ZGPAT: variants seen among roughly 807,000 people sequenced by gnomAD.
ZGPAT encodes zinc finger CCCH-type with G patch domain-containing protein.
Under a neutral mutation model 47.9 loss-of-function variants are expected in ZGPAT, and 39 were observed. That is an observed-to-expected ratio of 0.81 (90% CI 0.63 to 1.06). The LOEUF (loss-of-function observed/expected upper bound fraction) is 1.06. Among genes scored for constraint, ZGPAT ranks in the 50% least tolerant of loss-of-function variants. The pLI is 0.00. For synonymous variants in ZGPAT, 348 were observed against 292.9 expected, an observed-to-expected ratio of 1.19 and a Z score of -1.92; for missense variants, 717 against 681.4, an observed-to-expected ratio of 1.05 and a Z score of -0.58.
At chr20:63,731,243 C>G (rs1258052143) in intron 2 of ZGPAT, among the ~76,000 whole-genome samples, 2 of 152,116 alleles carry the variant, frequency 1.3e-5, no homozygotes, top group Admixed American at 6.6e-5. Context: ...CTGGAGCAGC[C>G]AAGTCCATCC....
In ZGPAT at chr20:63,733,242, C is replaced by G; in HGVS notation, c.608C>G (p.Ser203Cys). Residue 203 changes from serine (S) to cysteine (C), a missense_variant, in exon 3 of 7, where the codon TCT (serine) becomes TGT (cysteine). Transcript: ENST00000355969. Reference protein sequence around the residue: ...NCRFSHGQVVSLDELRPFQDP... With the variant: ...NCRFSHGQVVCLDELRPFQDP... ...AGGTTCTCCCATGGGCAGGTGGTCT[C>G]TCTGGATGAGCTGCGCCCCTTCCAG... 2 of 1,613,812 alleles carry G rather than the reference C, an allele frequency of 1.2e-6. No homozygotes were observed. Among genetic ancestry groups the G allele is most frequent in the Non-Finnish European group, 1.7e-6 (2 of 1,179,908 alleles).
intron 2 of ZGPAT, among the ~76,000 whole-genome samples, chr20:63,718,369 C>T (rs781499852): frequency 5.3e-5 from 8 of 151,368 alleles, no homozygotes; most frequent in South Asian, 2.1e-4. Flanking sequence ...CTTGCTCTGT[C>T]GCCCAGGCTG....
Position 63,735,139 on chromosome 20 carries a change from C to T in ZGPAT, c.992-20C>T, listed in dbSNP as rs1010178151. 3.3e-6 allele frequency: 5 copies of T among 1,500,270 alleles called. No individual in the cohort carries two copies. The African/African-American group carries it at 4.2e-5, about 13-fold the overall frequency. 92.9% of individuals were successfully genotyped at this position (1,500,270 alleles called of 1,614,324 possible). On this transcript the variant is annotated intron_variant, in intron 5 of 6. Transcript: ENST00000355969. ...CCGGGGTCCCGCAGCCACAGCACTGCCATCCCCGTGCCTCCGCAGGTTTGG... is the reference window on the plus strand; with the variant it reads ...CCGGGGTCCCGCAGCCACAGCACTGTCATCCCCGTGCCTCCGCAGGTTTGG...
intron 2 of ZGPAT, among the ~76,000 whole-genome samples, chr20:63,718,848 C>T (rs528571403): frequency 4.6e-5 from 7 of 152,054 alleles, no homozygotes; most frequent in South Asian, 2.1e-4. Flanking sequence ...GGGCAGATCA[C>T]GAGGTCAGGA....
At chr20:63,720,248 T>C (rs929001671) in intron 2 of ZGPAT, among the ~76,000 whole-genome samples, 4 of 152,028 alleles carry the variant, frequency 2.6e-5, no homozygotes, top group African/African-American at 4.8e-5. Context: ...CTCTGCCTCC[T>C]GGGTTCAAGC....
At chr20:63,732,654 G>A (rs1428722356) in intron 2 of ZGPAT, among the ~76,000 whole-genome samples, 1 of 146,538 alleles carries the variant, frequency 6.8e-6, no homozygotes, top group Admixed American at 6.9e-5. Context: ...GTGTTAATGT[G>A]TGTGTACATG....
rs2091584456 is a variant in ZGPAT at position 63,708,059 on chromosome 20, T to C, written c.-88T>C. 1 of 151,660 alleles carries C rather than the reference T, an allele frequency of 6.6e-6. No homozygotes were observed. Among genetic ancestry groups the C allele is most frequent in the African/African-American group, 2.4e-5 (1 of 41,232 alleles). The allele number at this position is 151,660 out of a possible 1,614,324, so 9.4% of individuals were successfully genotyped here. A position where few individuals can be genotyped will look rare whatever the true frequency, so the allele number is the denominator to read the frequency against. On this transcript the variant is annotated 5_prime_UTR_variant, in exon 1 of 7. Coordinates refer to ENST00000355969, the MANE Select transcript of ZGPAT (RefSeq NM_181485.3). ...CAAGCACTTCCGGAAGCGGCGGCGC[T>C]CGGGAGGAAGTGCCGATCGGCTGCT... is the stretch of plus-strand genomic sequence containing the variant.
chr20:63,719,403 A>G (rs547715792), intron 2 of ZGPAT, among the ~76,000 whole-genome samples: 3 of 152,178 alleles, frequency 2.0e-5, no homozygotes, highest in Non-Finnish European at 4.4e-5. Flanking sequence ...TTATGCATAC[A>G]TTGATGTGCT....
At chr20:63,709,298 T>C in intron 2 of ZGPAT, 134 bp downstream of exon 2, 1 of 972,990 alleles carries the variant, frequency 1.0e-6, no homozygotes, top group Non-Finnish European at 1.6e-6. Flanking sequence ...TTGACAGCTG[T>C]GTCTGTGTTC....
In ZGPAT at chr20:63,735,957, A is replaced by G. The variant is rs2091986292; in HGVS notation, c.*38A>G. On this transcript the variant is annotated 3_prime_UTR_variant, in exon 7 of 7. Transcript: ENST00000355969. ...CACTATGGACGAAGCGTGGGACCCC[A>G]GCACGGGCTGCCCTCAGGAAGACCA... 6.3e-7 allele frequency: 1 copy of G among 1,586,536 alleles called. No homozygotes were observed. The highest frequency in any genetic ancestry group is 8.6e-7 in the Non-Finnish European group (1 of 1,163,176).
chr20:63,717,332 C>CTTTTCTTTTTTTTTTT (rs2091740015), intron 2 of ZGPAT, among the ~76,000 whole-genome samples: 1 of 60,954 alleles, frequency 1.6e-5, no homozygotes, highest in African/African-American at 6.8e-5. Flanking sequence ...TTTTTCTTTT[C>CTTTTCTTTTTTTTTTT]TTTTTTTTTT....
chr20:63,728,156 C>T (rs1364312538), intron 2 of ZGPAT, among the ~76,000 whole-genome samples: 1 of 151,828 alleles, frequency 6.6e-6, no homozygotes, highest in Non-Finnish European at 1.5e-5. Context: ...CCTGCCTCAG[C>T]CTCCCAAGTA....
chr20:63,735,981 C>G lies in ZGPAT; in HGVS notation c.*62C>G. On this transcript the variant is annotated 3_prime_UTR_variant, in exon 7 of 7. Coordinates refer to ENST00000355969, the MANE Select transcript of ZGPAT (RefSeq NM_181485.3). ...CAGCACGGGCTGCCCTCAGGAAGAC[C>G]AGTGTTGCCCGAGGAGGGGCCGGCC... 1 of 1,563,406 alleles carries G rather than the reference C, an allele frequency of 6.4e-7. No homozygotes were observed.
intron 2 of ZGPAT, among the ~76,000 whole-genome samples, chr20:63,722,713 A>T (rs998176783): frequency 6.6e-6 from 1 of 150,582 alleles, no homozygotes; most frequent in African/African-American, 2.4e-5. Flanking sequence ...GCTCACTGCA[A>T]CCTCCGCCTC....
intron 2 of ZGPAT, among the ~76,000 whole-genome samples, chr20:63,726,559 G>C (rs1290410813): frequency 6.6e-6 from 1 of 150,696 alleles, no homozygotes; most frequent in Admixed American, 6.7e-5. Context: ...GTCTTGCTCT[G>C]TCGCCCAGGC....
chr20:63,713,871 C>CAAA (rs749234322), intron 2 of ZGPAT, among the ~76,000 whole-genome samples: 1 of 81,124 alleles, frequency 1.2e-5, no homozygotes. Flanking sequence ...GACTTCATCT[C>CAAA]AAAAAAAAAA....
At chr20:63,733,453 A>G (rs1028921185) in intron 3 of ZGPAT, 101 bp downstream of exon 3, 7 of 1,594,948 alleles carry the variant, frequency 4.4e-6, no homozygotes, top group African/African-American at 1.3e-5. Context: ...GAGTGTCGGG[A>G]CTCTGGCTCT....
At chr20:63,734,598 A>G in intron 4 of ZGPAT, 107 bp from the exon 5 acceptor site, 2 of 1,541,534 alleles carry the variant, frequency 1.3e-6, no homozygotes, top group Non-Finnish European at 1.7e-6. Context: ...CACCATGCAC[A>G]ATCCTCTGGC....
Position 63,709,272 on chromosome 20 carries a change from C to T in ZGPAT, c.584+108C>T, listed in dbSNP as rs778909645. On this transcript the variant is annotated intron_variant, in intron 2 of 6. Coordinates refer to ENST00000355969, the MANE Select transcript of ZGPAT (RefSeq NM_181485.3). ...TGCTTTGCAGTTTTGTCTCAGCTTC[C>T]TGGGGCAGGCGTGCTTTGACAGCTG... The T allele has an allele frequency of 4.3e-4, 525 of 1,230,018 alleles. 2 individuals are homozygous for T. Among genetic ancestry groups the T allele is most frequent in the Non-Finnish European group, 5.1e-4 (440 of 856,658 alleles). 76.2% of individuals were successfully genotyped at this position (1,230,018 alleles called of 1,614,324 possible).
Sources: allele counts gnomAD v4.1 joint callset (sites outside exome capture counted in the v4.1 genomes callset), GRCh38; gene constraint gnomAD v4.1.1; transcripts MANE v1.5; gene names NCBI Gene and HGNC (gene_info 2026-07-23, HGNC 2026-07-21).